The following A2ML1 variants were observed in gnomAD, a reference collection of about 807,000 sequenced individuals.
A2ML1 encodes the protein alpha-2-macroglobulin-like protein 1.
A2ML1 carries 161 observed loss-of-function variants against 181.9 expected under a neutral mutation model. The observed-to-expected ratio is 0.89, with a 90% CI of 0.78 to 1.01. The LOEUF is 1.01. Ranked by LOEUF, A2ML1 falls within the 50% of genes least tolerant of loss-of-function variation. A2ML1 has a pLI of 0.00. For missense variants in A2ML1, 1,670 were observed against 1,768.1 expected (o/e 0.94, Z 1.00); for synonymous variants, 663 against 666.8 (o/e 0.99, Z 0.09).
chr12:8,857,299 C>T lies in A2ML1; in HGVS notation c.2984C>T (p.Thr995Met), dbSNP rs755702632. 4.2e-5 allele frequency: 67 copies of T among 1,613,914 alleles called. No individual in the cohort carries two copies. The highest frequency in any genetic ancestry group is 1.8e-4 in the Admixed American group (11 of 59,990). ...TACCTGGAGAAGGCAGGGCTGCTGA[C>T]GGAGGAGATCAGGTCTCGGGCAGTG... ...LQYLEKAGLL[T>M]EEIRSRAVGF... The change falls in exon 24 of 36, where the codon ACG becomes ATG. Residue 995 changes from threonine to methionine, a missense_variant. Physicochemically the swap from Thr to Met is moderately conservative, Grantham distance 81. Transcript: ENST00000299698.
Position 8,851,962 on chromosome 12 carries a change from T to A in A2ML1, c.2413T>A (p.Ser805Thr). 2.5e-6 allele frequency: 4 copies of A among 1,614,194 alleles called. No homozygotes were observed. Among genetic ancestry groups the A allele is most frequent in the Non-Finnish European group, 3.4e-6 (4 of 1,180,038 alleles). The change falls in exon 19 of 36, where the codon TCC (serine) becomes ACC (threonine). Residue 805 changes from serine (S) to threonine (T), a missense_variant. Transcript: ENST00000299698. Reference sequence around the variant, plus strand: ...CCCTTACTCAGTAGTCCGTGGGGAATCCTTTCGTCTTACTGCCACCATCTT... The same window carrying A: ...CCCTTACTCAGTAGTCCGTGGGGAAACCTTTCGTCTTACTGCCACCATCTT... ...TLPYSVVRGE[S>T]FRLTATIFNY...
At position 8,850,176 on chromosome 12, in the gene A2ML1, A is replaced by G. The variant is rs747298163; in HGVS notation, c.2136A>G (p.Pro712=). The part of the protein sequence containing the change: ...STAMGAGGGH[P]EAFESSTPLH... ...TTTCATCAGCAGGCGGTGGTCATCC[A>G]GAGGCTTTTGAGTCATCAACTCCTT... The change falls in exon 18 of 36, where the codon CCA becomes CCG. Residue 712 remains proline (P), a synonymous_variant. Coordinates refer to ENST00000299698, the MANE Select transcript of A2ML1 (RefSeq NM_144670.6). The G allele has an allele frequency of 8.1e-6, 13 of 1,609,746 alleles. No individual in the cohort carries two copies. Among genetic ancestry groups the G allele is most frequent in the African/African-American group, 1.3e-5 (1 of 74,596 alleles).
At chr12:8,875,137 A>G in intron 35 of A2ML1, 125 bp downstream of exon 35, 1 of 1,020,586 alleles carries the variant, frequency 9.8e-7, no homozygotes, top group Non-Finnish European at 1.5e-6. Flanking sequence ...CCCAGGCTGG[A>G]GGGCAGTGGC....
At chr12:8,829,290 GT>G (rs1943033454) in intron 3 of A2ML1, among the ~76,000 whole-genome samples, 1 of 152,202 alleles carries the variant, frequency 6.6e-6, no homozygotes, top group African/African-American at 2.4e-5. Flanking sequence ...CTCAGAGCAG[GT>G]TTTGTAAAAA....
intron 3 of A2ML1, among the ~76,000 whole-genome samples, chr12:8,825,282 G>A (rs773711313): frequency 6.6e-6 from 1 of 152,212 alleles, no homozygotes; most frequent in South Asian, 2.1e-4. Flanking sequence ...TTGGAAAAAA[G>A]CCATTTTAAC....
chr12:8,874,427 C>T lies in A2ML1; in HGVS notation c.4224C>T (p.Leu1408=). ...TGTTTCATCTGTCTTCCCCACAGCT[C>T]ATTAAGAACACTCAGACTTACACCT... is the stretch of plus-strand genomic sequence containing the variant. The part of the protein sequence containing the change: ...TDTLNIYLDE[L]IKNTQTYTFT... The change falls in exon 34 of 36, where the codon CTC becomes CTT. Residue 1408 remains leucine, a splice_region_variant and synonymous_variant. Coordinates refer to ENST00000299698, the MANE Select transcript of A2ML1 (RefSeq NM_144670.6). 6.2e-7 allele frequency: 1 copy of T among 1,612,880 alleles called. No homozygotes were observed. Among genetic ancestry groups the T allele is most frequent in the Admixed American group, 1.7e-5 (1 of 59,998 alleles).
In A2ML1 at chr12:8,857,932, C is replaced by T; in HGVS notation, c.3108-14C>T. 1 of 1,612,686 alleles carries T rather than the reference C, an allele frequency of 6.2e-7. No individual in the cohort carries two copies. Among genetic ancestry groups the T allele is most frequent in the Non-Finnish European group, 8.5e-7 (1 of 1,179,294 alleles). On this transcript the variant is annotated splice_polypyrimidine_tract_variant and intron_variant, in intron 25 of 35. Transcript: ENST00000299698. ...ATTCCTCTTCATGCCATATTTTCCT[C>T]TTTACCCATGTAGGCTGACAGCGTT... is the stretch of plus-strand genomic sequence containing the variant.
intron 7 of A2ML1, among the ~76,000 whole-genome samples, chr12:8,882,989 G>C (rs1002967862): frequency 6.6e-6 from 1 of 152,008 alleles, no homozygotes; most frequent in Non-Finnish European, 1.5e-5. Context: ...CGGAACATTT[G>C]GTTCCCAATT....
intron 15 of A2ML1, among the ~76,000 whole-genome samples, chr12:8,847,908 G>A (rs753860230): frequency 1.3e-5 from 2 of 152,114 alleles, no homozygotes; most frequent in Admixed American, 1.3e-4. Flanking sequence ...GTGAGGCCGA[G>A]GCTGGCAGAT....
intron 4 of A2ML1, chr12:8,830,807 A>C (rs1174480310): frequency 6.6e-6 from 1 of 152,094 alleles, no homozygotes; most frequent in Non-Finnish European, 1.5e-5. Context: ...CCCTATGTGC[A>C]GGGGAGTTAT....
chr12:8,874,492 CA>C lies in A2ML1; in HGVS notation c.4290del (p.Ala1431GlnfsTer33). 1 of 1,614,008 alleles carries C rather than the reference CA, an allele frequency of 6.2e-7. No individual in the cohort carries two copies. The highest frequency in any genetic ancestry group is 8.5e-7 in the Non-Finnish European group (1 of 1,179,928). ...AGTGTGCTGGTCACCAACTTGAAAC[CA>C]GCAACCATCAAGGTCTATGACTACT... ...SQSVLVTNLK[P>X]ATIKVYDYYL... On this transcript the variant is annotated frameshift_variant, in exon 34 of 36. Transcript: ENST00000299698. LOFTEE classifies it high-confidence loss of function.
chr12:8,823,263 T>C lies in A2ML1; in HGVS notation c.144T>C (p.Ser48=), dbSNP rs781254832. Residue 48 remains serine, a synonymous_variant, in exon 2 of 36, where the codon AGT becomes AGC. Transcript: ENST00000299698. ...GTTTGGACCTGAGCCCTGGGTACAG[T>C]GATGTTAAATTCACGGTTACTCTGG... is the stretch of plus-strand genomic sequence containing the variant. ...KVCLDLSPGY[S]DVKFTVTLET... 6.2e-7 allele frequency: 1 copy of C among 1,614,120 alleles called. No homozygotes were observed.
rs372643963 is a variant in A2ML1, at chr12:8,823,833, C to G, written c.360C>G (p.Asn120Lys). The G allele has an allele frequency of 6.2e-7, 1 of 1,614,038 alleles. No individual in the cohort carries two copies. Among genetic ancestry groups the G allele is most frequent in the East Asian group, 2.2e-5 (1 of 44,882 alleles). The change falls in exon 3 of 36, where the codon AAC becomes AAG. Residue 120 changes from asparagine to lysine, a missense_variant. By Grantham distance (94) the Asn-to-Lys change is moderately conservative. Transcript: ENST00000299698. ...AGGTTCTAATTCAGAGGCAGGGGAA[C>G]GGCACCTTTGTACAGACTGACAAAC... ...KKKVLIQRQG[N>K]GTFVQTDKPL...
rs774472456 is a variant in A2ML1, at chr12:8,851,825, C to T, written c.2276C>T (p.Ala759Val). 25 of 1,614,086 alleles carry T rather than the reference C, an allele frequency of 1.5e-5. No individual in the cohort carries two copies. The highest frequency in any genetic ancestry group is 1.5e-5 in the Non-Finnish European group (18 of 1,180,048). Reference sequence around the variant, plus strand: ...GCGGTCCACGTCACAGTTCCTGACGCCATCACCGAGTGGAAGGCGATGAGT... The same window carrying T: ...GCGGTCCACGTCACAGTTCCTGACGTCATCACCGAGTGGAAGGCGATGAGT... ...KEAVHVTVPD[A>V]ITEWKAMSFC... is the part of the protein sequence containing the mutation. Residue 759 changes from alanine (A) to valine (V), a missense_variant, in exon 19 of 36, where the codon GCC (alanine) becomes GTC (valine). Coordinates refer to ENST00000299698, the MANE Select transcript of A2ML1 (RefSeq NM_144670.6).
Position 8,874,099 on chromosome 12 carries a change from T to A in A2ML1, c.4222-326T>A, listed in dbSNP as rs564677330. On this transcript the variant is annotated intron_variant, in intron 33 of 35. Transcript: ENST00000299698. The stretch of plus-strand genomic sequence containing the variant: ...GGCGCCATCTCGGCTCACTGCAACA[T>A]CTGCCTCCCAGGTTCAAGCGATTCT... Among the ~76,000 whole-genome samples, 22 of 152,242 alleles carry A rather than the reference T, an allele frequency of 1.4e-4. No individual in the cohort carries two copies. In the South Asian group the frequency reaches 4.4e-3, roughly 30 times the overall value.
Position 8,876,686 on chromosome 12 carries a change from TAATA to T in A2ML1, c.*632_*635del, listed in dbSNP as rs1452006187. 2.0e-5 allele frequency: 3 copies of T among 151,696 alleles called. No homozygotes were observed. The highest frequency in any genetic ancestry group is 7.3e-5 in the African/African-American group (3 of 41,326). 9.4% of individuals were successfully genotyped at this position (151,696 alleles called of 1,614,324 possible). On this transcript the variant is annotated 3_prime_UTR_variant, in exon 36 of 36. Coordinates refer to ENST00000299698, the MANE Select transcript of A2ML1 (RefSeq NM_144670.6). ...AGACCCTGTCTCAAAAAATAATAAA[TAATA>T]ATAATAATAATGTTTTTCTAGAGTT...
chr12:8,883,808 C>G (rs1028501236), intron 7 of A2ML1, among the ~76,000 whole-genome samples: 2 of 145,676 alleles, frequency 1.4e-5, no homozygotes, highest in Non-Finnish European at 3.0e-5. Context: ...ATTTTTGAGA[C>G]AGAGTCTCAT....
In A2ML1 at chr12:8,839,143, A is replaced by G; in HGVS notation, c.1001A>G (p.Tyr334Cys). 1.2e-6 allele frequency: 2 copies of G among 1,613,502 alleles called. No homozygotes were observed. Among genetic ancestry groups the G allele is most frequent in the Non-Finnish European group, 1.7e-6 (2 of 1,179,616 alleles). Residue 334 changes from tyrosine to cysteine, a missense_variant, in exon 10 of 36, where the codon TAC (tyrosine) becomes TGC (cysteine). Tyr to Cys is a radical substitution (Grantham distance 194). Coordinates refer to ENST00000299698, the MANE Select transcript of A2ML1 (RefSeq NM_144670.6). ...GVEANATQNI[Y>C]ISPQMGSMTF... is the part of the protein sequence containing the mutation. ...GAGGCCAATGCCACTCAGAATATCT[A>G]CATTTCTCCACAAATGGGATCAATG... is the stretch of plus-strand genomic sequence containing the variant.
intron 2 of A2ML1, 176 bp from the exon 3 acceptor site, chr12:8,823,544 A>T: frequency 9.3e-7 from 1 of 1,079,090 alleles, no homozygotes; most frequent in Non-Finnish European, 1.3e-6. Context: ...TCGACCTAGG[A>T]TTTCTCCCTT....
Sources: gnomAD v4.1 joint callset for allele counts (sites outside exome capture counted in the v4.1 genomes callset) on GRCh38, gnomAD v4.1.1 for gene constraint, MANE v1.5 for transcripts, NCBI Gene and HGNC (gene_info 2026-07-23, HGNC 2026-07-21) for gene names.